ULK4: variants seen among roughly 807,000 people sequenced by gnomAD.
ULK4 encodes unc-51 like kinase 4.
A neutral mutation model predicts 160.6 loss-of-function variants in ULK4; 133 were observed. The ratio of observed to expected loss-of-function variants is 0.83; its 90% CI spans 0.72 to 0.96. The LOEUF (loss-of-function observed/expected upper bound fraction) is 0.96. Among genes scored for constraint, ULK4 ranks in the 40% least tolerant of loss-of-function variants. The pLI, the probability that ULK4 is intolerant of heterozygous loss-of-function variation, is 0.00. For synonymous variants in ULK4, 534 were observed against 539.8 expected, an observed-to-expected ratio of 0.99 and a Z score of 0.15; for missense variants, 1,580 against 1,499.5, an observed-to-expected ratio of 1.05 and a Z score of -0.89.
chr3:41,347,857 G>A (rs547261750), intron 35 of ULK4, among the ~76,000 whole-genome samples: 41 of 152,124 alleles, frequency 2.7e-4, no homozygotes, highest in Admixed American at 1.1e-3. Context: ...ACTTGTATGC[G>A]CAATAAGGTA....
chr3:41,635,633 T>C (rs1255004239), intron 30 of ULK4, among the ~76,000 whole-genome samples: 1 of 152,204 alleles, frequency 6.6e-6, no homozygotes, highest in Non-Finnish European at 1.5e-5. Flanking sequence ...ATGTACTGTG[T>C]CACACTGTGC....
At chr3:41,838,563 G>A (rs1029412523) in intron 17 of ULK4, among the ~76,000 whole-genome samples, 1 of 151,814 alleles carries the variant, frequency 6.6e-6, no homozygotes. Flanking sequence ...GTAAACCACA[G>A]GAAGGTAATA....
At chr3:41,587,767 G>A (rs1040189396) in intron 31 of ULK4, among the ~76,000 whole-genome samples, 31 of 152,264 alleles carry the variant, frequency 2.0e-4, no homozygotes, top group African/African-American at 6.7e-4. Flanking sequence ...AAAACAGCAC[G>A]ATGCTCTTGT....
chr3:41,865,926 G>C (rs1696843528), intron 17 of ULK4, among the ~76,000 whole-genome samples: 1 of 151,982 alleles, frequency 6.6e-6, no homozygotes, highest in South Asian at 2.1e-4. Flanking sequence ...AAATTGGCAA[G>C]TTGGACTTCA....
intron 19 of ULK4, among the ~76,000 whole-genome samples, chr3:41,816,432 A>T (rs555008245): frequency 3.0e-4 from 46 of 152,360 alleles, no homozygotes; most frequent in African/African-American, 1.1e-3. Flanking sequence ...CTTCACAAGC[A>T]CTTTTCAAAA....
At chr3:41,521,080 A>G (rs2085915440) in intron 32 of ULK4, among the ~76,000 whole-genome samples, 1 of 152,218 alleles carries the variant, frequency 6.6e-6, no homozygotes, top group Admixed American at 6.5e-5. Context: ...CCTAGGGAAC[A>G]AGGGAGCCAT....
At chr3:41,589,430 CAAAAAAAAAAAA>C (rs34913730) in intron 31 of ULK4, among the ~76,000 whole-genome samples, 2 of 72,114 alleles carry the variant, frequency 2.8e-5, no homozygotes, top group Non-Finnish European at 5.3e-5. Flanking sequence ...AAGGCCAGGC[CAAAAAAAAAAAA>C]AAAAAAAAAT....
intron 34 of ULK4, among the ~76,000 whole-genome samples, chr3:41,451,666 T>C (rs1323934816): frequency 6.6e-6 from 1 of 152,026 alleles, no homozygotes; most frequent in African/African-American, 2.4e-5. Flanking sequence ...ATATTCCAAT[T>C]CAAGTAATTG....
chr3:41,912,916 T>A lies in ULK4; in HGVS notation c.804-17A>T. Reference sequence around the variant, plus strand: ...CAAGTCAATCTTTAAAAAACATAAATGTTAAAACTCTACTTTAACATGATT... The same window carrying A: ...CAAGTCAATCTTTAAAAAACATAAAAGTTAAAACTCTACTTTAACATGATT... On this transcript the variant is annotated splice_polypyrimidine_tract_variant and intron_variant, in intron 8 of 36. Transcript: ENST00000301831. 6.2e-7 allele frequency: 1 copy of A among 1,611,624 alleles called. No homozygotes were observed. The highest frequency in any genetic ancestry group is 8.5e-7 in the Non-Finnish European group (1 of 1,178,180).
intron 17 of ULK4, among the ~76,000 whole-genome samples, chr3:41,859,115 A>G (rs1365489519): frequency 6.6e-6 from 1 of 152,218 alleles, no homozygotes; most frequent in Non-Finnish European, 1.5e-5. Context: ...CATTTTCTGG[A>G]GTCAGCACAG....
chr3:41,785,472 G>C (rs982575973), intron 21 of ULK4, among the ~76,000 whole-genome samples: 5 of 152,150 alleles, frequency 3.3e-5, no homozygotes, highest in Non-Finnish European at 7.4e-5. Context: ...AGTCTTCTAA[G>C]TTTTCTGTAG....
intron 16 of ULK4, among the ~76,000 whole-genome samples, chr3:41,890,330 G>A (rs1324667949): frequency 6.6e-6 from 1 of 152,030 alleles, no homozygotes; most frequent in Non-Finnish European, 1.5e-5. Flanking sequence ...AGGGGTTTCA[G>A]GAACAGAAAA....
chr3:41,468,686 T>A (rs1188498914), intron 32 of ULK4, among the ~76,000 whole-genome samples: 1 of 152,170 alleles, frequency 6.6e-6, no homozygotes, highest in Non-Finnish European at 1.5e-5. Context: ...TTGACTATAC[T>A]ACCTTTCCAC....
intron 35 of ULK4, among the ~76,000 whole-genome samples, chr3:41,273,619 A>G (rs747351765): frequency 4.6e-5 from 7 of 152,082 alleles, no homozygotes; most frequent in Admixed American, 3.3e-4. Flanking sequence ...CCTCTCTCCT[A>G]TAGTTTAGAT....
At chr3:41,750,384 C>T (rs1441966682) in intron 22 of ULK4, among the ~76,000 whole-genome samples, 3 of 152,150 alleles carry the variant, frequency 2.0e-5, no homozygotes, top group Non-Finnish European at 4.4e-5. Context: ...GCTATGATTT[C>T]CTCAATTGGA....
intron 32 of ULK4, among the ~76,000 whole-genome samples, chr3:41,480,801 G>A (rs1366055756): frequency 2.6e-5 from 4 of 152,186 alleles, no homozygotes; most frequent in Non-Finnish European, 4.4e-5. Flanking sequence ...GGAAGGGGAA[G>A]CAAACACGTC....
At chr3:41,856,546 TATGTGTATATATATACAC>T in intron 17 of ULK4, among the ~76,000 whole-genome samples, 2 of 71,074 alleles carry the variant, frequency 2.8e-5, no homozygotes, top group African/African-American at 1.7e-4. Flanking sequence ...TGTATATATA[TATGTGTATATATATACAC>T]ATATATATAT....
chr3:41,428,676 T>G (rs1373528834), intron 34 of ULK4, among the ~76,000 whole-genome samples: 1 of 152,198 alleles, frequency 6.6e-6, no homozygotes, highest in Non-Finnish European at 1.5e-5. Flanking sequence ...GGGAAAGAAT[T>G]CTCTATGTAA....
intron 27 of ULK4, among the ~76,000 whole-genome samples, chr3:41,701,496 G>A (rs2036674422): frequency 6.6e-6 from 1 of 152,118 alleles, no homozygotes; most frequent in African/African-American, 2.4e-5. Flanking sequence ...TTAATACTCA[G>A]CAAAATATCC....
Sources: allele counts gnomAD v4.1 joint callset (sites outside exome capture counted in the v4.1 genomes callset), GRCh38; gene constraint gnomAD v4.1.1; transcripts MANE v1.5; gene names NCBI Gene and HGNC (gene_info 2026-07-23, HGNC 2026-07-21).